The following PLCB4 variants were observed in gnomAD, a reference collection of about 807,000 sequenced individuals.
PLCB4 encodes the protein 1-phosphatidylinositol 4,5-bisphosphate phosphodiesterase beta-4.
A neutral mutation model predicts 178.8 loss-of-function variants in PLCB4; 77 were observed. That is an observed-to-expected ratio of 0.43 (90% CI 0.36 to 0.52). The LOEUF (loss-of-function observed/expected upper bound fraction) is 0.52, where lower values mean the gene tolerates loss of function less well. Among genes scored for constraint, PLCB4 ranks in the 20% least tolerant of loss-of-function variants. The probability of loss-of-function intolerance (pLI) is 0.00; values close to 1 mark genes in which losing one functional copy is unlikely to be tolerated. For synonymous variants in PLCB4, 496 were observed against 490.8 expected, an observed-to-expected ratio of 1.01 and a Z score of -0.14; for missense variants, 1,024 against 1,453.4, an observed-to-expected ratio of 0.70 and a Z score of 4.80.
At chr20:9,133,864 G>A (rs1302278010) in intron 2 of PLCB4, among the ~76,000 whole-genome samples, 2 of 152,152 alleles carry the variant, frequency 1.3e-5, no homozygotes, top group East Asian at 1.9e-4. Flanking sequence ...TAAACCTTTA[G>A]GAGACATCAG....
intron 27 of PLCB4, among the ~76,000 whole-genome samples, chr20:9,423,387 A>G (rs2040782783): frequency 6.6e-6 from 1 of 152,236 alleles, no homozygotes. Context: ...TAGATCCCCA[A>G]TTCCCAGGCC....
At chr20:9,150,051 G>A (rs1409753537) in intron 2 of PLCB4, among the ~76,000 whole-genome samples, 3 of 152,272 alleles carry the variant, frequency 2.0e-5, no homozygotes, top group African/African-American at 7.2e-5. Flanking sequence ...TGACAGTTGA[G>A]GGCATTCTGC....
intron 35 of PLCB4, among the ~76,000 whole-genome samples, chr20:9,463,584 A>G (rs1244114795): frequency 3.0e-4 from 42 of 138,484 alleles, no homozygotes; most frequent in African/African-American, 9.6e-4. Flanking sequence ...CTACCAAGCA[A>G]ATGGAAAGCA....
intron 19 of PLCB4, among the ~76,000 whole-genome samples, chr20:9,400,599 T>C (rs1050039755): frequency 6.6e-6 from 1 of 152,186 alleles, no homozygotes; most frequent in Non-Finnish European, 1.5e-5. Context: ...GGTGTGACCA[T>C]GTGGATTTAT....
At chr20:9,340,113 G>A (rs1016555014) in intron 7 of PLCB4, among the ~76,000 whole-genome samples, 5 of 152,022 alleles carry the variant, frequency 3.3e-5, no homozygotes, top group Non-Finnish European at 1.5e-5. Flanking sequence ...TCCAACAAGT[G>A]GAAACTCAGT....
At chr20:9,350,094 G>T (rs1422800045) in intron 7 of PLCB4, among the ~76,000 whole-genome samples, 1 of 151,872 alleles carries the variant, frequency 6.6e-6, no homozygotes, top group Non-Finnish European at 1.5e-5. Flanking sequence ...GCCTAATTTT[G>T]TATGTCCTGT....
intron 2 of PLCB4, among the ~76,000 whole-genome samples, chr20:9,146,614 A>G (rs2092603210): frequency 6.6e-6 from 1 of 152,186 alleles, no homozygotes; most frequent in Non-Finnish European, 1.5e-5. Context: ...TCTAGGAAGC[A>G]AGACAAAAGT....
chr20:9,108,886 G>A (rs572694557), intron 2 of PLCB4, among the ~76,000 whole-genome samples: 2 of 131,984 alleles, frequency 1.5e-5, no homozygotes, highest in Admixed American at 8.1e-5. Flanking sequence ...AGAGAGAGAG[G>A]AAGAGAGAAA....
rs182885140 is a variant in PLCB4 at position 9,411,588 on chromosome 20, G to A, written c.2051+500G>A. ...TAAGTAGCAGTTATCAAAGAATAAT[G>A]CTGTGAATATTGTCCTAGTTTCCTT... is the stretch of plus-strand genomic sequence containing the variant. On this transcript the variant is annotated intron_variant, in intron 25 of 39. Coordinates refer to ENST00000378473, the MANE Select transcript of PLCB4 (RefSeq NM_001377142.1). 2.1e-3 allele frequency among the ~76,000 whole-genome samples: 318 copies of A among 152,242 alleles called. 1 individual carries two copies. Among genetic ancestry groups the A allele is most frequent in the Admixed American group, 5.2e-3 (80 of 15,280 alleles).
chr20:9,279,869 C>T (rs549986620), intron 3 of PLCB4, among the ~76,000 whole-genome samples: 1 of 152,082 alleles, frequency 6.6e-6, no homozygotes, highest in South Asian at 2.1e-4. Flanking sequence ...ATAATACTAC[C>T]AGCACCTACC....
In PLCB4 at chr20:9,387,458, C is replaced by T. The variant is rs761328440; in HGVS notation, c.1065-5C>T. On this transcript the variant is annotated splice_region_variant and splice_polypyrimidine_tract_variant and intron_variant, in intron 14 of 39. Coordinates refer to ENST00000378473, the MANE Select transcript of PLCB4 (RefSeq NM_001377142.1). ...TTCAATATTGTAACTTCACTATATC[C>T]CTAGATGTGTTGAACTTGACTGCTG... 7.5e-6 allele frequency: 11 copies of T among 1,466,756 alleles called. No individual in the cohort carries two copies. The East Asian group carries it at 1.6e-4, about 21-fold the overall frequency. The allele number at this position is 1,466,756 out of a possible 1,614,324, so 90.9% of individuals were successfully genotyped here.
intron 1 of PLCB4, among the ~76,000 whole-genome samples, chr20:9,091,757 C>T (rs914310748): frequency 6.6e-6 from 1 of 151,742 alleles, no homozygotes; most frequent in Non-Finnish European, 1.5e-5. Context: ...TTTCTACAGA[C>T]ATTTGACCAT....
chr20:9,135,681 C>G (rs2092368373), intron 2 of PLCB4, among the ~76,000 whole-genome samples: 1 of 152,058 alleles, frequency 6.6e-6, no homozygotes, highest in Non-Finnish European at 1.5e-5. Flanking sequence ...TGCTGTCAAA[C>G]CTAGAAAATT....
chr20:9,106,858 C>T (rs925809237), intron 2 of PLCB4, among the ~76,000 whole-genome samples: 1 of 152,088 alleles, frequency 6.6e-6, no homozygotes, highest in South Asian at 2.1e-4. Context: ...ATTATTTATC[C>T]TAACATCTTT....
chr20:9,405,831 A>T (rs1425425260), intron 21 of PLCB4, among the ~76,000 whole-genome samples: 1 of 152,180 alleles, frequency 6.6e-6, no homozygotes, highest in Non-Finnish European at 1.5e-5. Context: ...TTTATTTAGT[A>T]AGTATTTATG....
chr20:9,093,693 C>T (rs2090782662), intron 1 of PLCB4, among the ~76,000 whole-genome samples: 1 of 150,936 alleles, frequency 6.6e-6, no homozygotes, highest in African/African-American at 2.4e-5. Flanking sequence ...GTAGGCACAG[C>T]TTTACACATG....
At chr20:9,125,470 A>G (rs1323351655) in intron 2 of PLCB4, among the ~76,000 whole-genome samples, 4 of 152,166 alleles carry the variant, frequency 2.6e-5, no homozygotes, top group Non-Finnish European at 5.9e-5. Flanking sequence ...AAAGTAGAGA[A>G]TAAAATAGTG....
rs939028834 is a variant in PLCB4, at chr20:9,379,913, G to A, written c.745-141G>A. ...GAAGTATACTTTAAGGAGAAAGGCAGGAAGGCAGTGAGGTCCTATCTTTGT... is the reference window on the plus strand; with the variant it reads ...GAAGTATACTTTAAGGAGAAAGGCAAGAAGGCAGTGAGGTCCTATCTTTGT... On this transcript the variant is annotated intron_variant, in intron 12 of 39. Coordinates refer to ENST00000378473, the MANE Select transcript of PLCB4 (RefSeq NM_001377142.1). The A allele has an allele frequency of 7.5e-6, 4 of 530,628 alleles. No individual in the cohort carries two copies. In the African/African-American group the frequency reaches 8.0e-5, roughly 11 times the overall value. The allele number at this position is 530,628 out of a possible 1,614,324, so 32.9% of individuals were successfully genotyped here.
chr20:9,143,496 T>G (rs891705756), intron 2 of PLCB4, among the ~76,000 whole-genome samples: 2 of 152,130 alleles, frequency 1.3e-5, no homozygotes, highest in Non-Finnish European at 2.9e-5. Context: ...AATCCTAACA[T>G]TTCACATTAG....
Sources: gnomAD v4.1 joint callset for allele counts (sites outside exome capture counted in the v4.1 genomes callset) on GRCh38, gnomAD v4.1.1 for gene constraint, MANE v1.5 for transcripts, NCBI Gene and HGNC (gene_info 2026-07-23, HGNC 2026-07-21) for gene names.